FSIP2: variants seen among roughly 807,000 people sequenced by gnomAD.
FSIP2 encodes the protein fibrous sheath interacting protein 2.
A neutral mutation model predicts 510.5 loss-of-function variants in FSIP2; 367 were observed. That is an observed-to-expected ratio of 0.72 (90% confidence interval 0.66 to 0.78). The LOEUF is 0.78. FSIP2 is among the 30% of genes least tolerant of loss of function. The pLI is 0.00. For synonymous variants in FSIP2, 2,601 were observed against 2,732.2 expected, an observed-to-expected ratio of 0.95 and a Z score of 1.50; for missense variants, 7,594 against 7,901.7, an observed-to-expected ratio of 0.96 and a Z score of 1.48.
chr2:185,789,160 A>G lies in FSIP2; in HGVS notation c.2024A>G (p.His675Arg). ...TETDSLGSSL[H>R]CDKTAKAMDE... is the part of the protein sequence containing the mutation. ...ACAGATAGCTTAGGGAGTTCATTGCATTGTGATAAAACAGCAAAAGCCATG... is the reference window on the plus strand; with the variant it reads ...ACAGATAGCTTAGGGAGTTCATTGCGTTGTGATAAAACAGCAAAAGCCATG... Residue 675 changes from histidine (H) to arginine (R), a missense_variant, in exon 16 of 23, where the codon CAT (histidine) becomes CGT (arginine). His to Arg is a conservative substitution (Grantham distance 29). Coordinates refer to ENST00000424728, the MANE Select transcript of FSIP2 (RefSeq NM_173651.4). 6.5e-7 allele frequency: 1 copy of G among 1,535,018 alleles called. No individual in the cohort carries two copies. The highest frequency in any genetic ancestry group is 8.7e-7 in the Non-Finnish European group (1 of 1,145,974).
At chr2:185,743,041 A>T (rs1691954300) in intron 2 of FSIP2, 92 bp from the exon 3 acceptor site, 4 of 975,166 alleles carry the variant, frequency 4.1e-6, no homozygotes, top group Non-Finnish European at 5.7e-6. Context: ...CTTTTGGCAC[A>T]TTTTATTTTC....
chr2:185,763,387 A>G, intron 12 of FSIP2, 98 bp downstream of exon 12: 1 of 665,912 alleles, frequency 1.5e-6, no homozygotes. Context: ...ATGTAACCAT[A>G]CAAAACAACT....
intron 5 of FSIP2, 91 bp from the exon 6 acceptor site, chr2:185,746,578 C>A: frequency 2.1e-6 from 2 of 954,024 alleles, no homozygotes; most frequent in Admixed American, 3.2e-5. Context: ...GAAAGGCAAG[C>A]AAGGAAGTGG....
In FSIP2 at chr2:185,791,122, C is replaced by T. The variant is rs766741003; in HGVS notation, c.3986C>T (p.Thr1329Ile). 41 of 1,530,338 alleles carry T rather than the reference C, an allele frequency of 2.7e-5. No homozygotes were observed. Among genetic ancestry groups the T allele is most frequent in the South Asian group, 3.6e-5 (3 of 83,744 alleles). The allele number at this position is 1,530,338 out of a possible 1,614,324, so 94.8% of individuals were successfully genotyped here. A position where few individuals can be genotyped will look rare whatever the true frequency, so the allele number is the denominator to read the frequency against. The change falls in exon 16 of 23, where the codon ACA (threonine) becomes ATA (isoleucine). Residue 1329 changes from threonine to isoleucine, a missense_variant. Physicochemically the swap from Thr to Ile is moderately conservative, Grantham distance 89. Transcript: ENST00000424728. ...GAGATTGACCATACCAAATCCCTTA[C>T]AGATAAAGGATTTTTTGCTAATACT... The part of the protein sequence containing the change: ...LREIDHTKSL[T>I]DKGFFANTDK...
At chr2:185,798,551 G>A (rs1345629712) in intron 16 of FSIP2, among the ~76,000 whole-genome samples, 1 of 151,654 alleles carries the variant, frequency 6.6e-6, no homozygotes, top group Non-Finnish European at 1.5e-5. Context: ...ATAATTACTT[G>A]CTACATCACC....
chr2:185,786,208 T>C, intron 14 of FSIP2, 44 bp from the exon 15 acceptor site: 1 of 1,310,746 alleles, frequency 7.6e-7, no homozygotes. Context: ...TTTTATAAAT[T>C]TTTGACTCTA....
intron 21 of FSIP2, among the ~76,000 whole-genome samples, chr2:185,831,154 C>T (rs747694302): frequency 1.2e-4 from 18 of 151,878 alleles, no homozygotes; most frequent in Non-Finnish European, 1.9e-4. Flanking sequence ...TGATTTTTAA[C>T]AGATGACATT....
Position 185,805,231 on chromosome 2 carries a change from A to T in FSIP2, c.15925A>T (p.Met5309Leu). The change falls in exon 17 of 23, where the codon ATG (methionine) becomes TTG (leucine). Residue 5309 changes from methionine to leucine, a missense_variant. Transcript: ENST00000424728. ...KKNEMAELDI[M>L]GLALKLANSL... ...AAATGAAATGGCAGAGCTAGATATT[A>T]TGGGCTTGGCTCTAAAACTTGCAAA... The T allele has an allele frequency of 6.3e-7, 1 of 1,599,488 alleles. No individual in the cohort carries two copies. The highest frequency in any genetic ancestry group is 8.5e-7 in the Non-Finnish European group (1 of 1,174,534).
At chr2:185,767,576 A>G (rs1054936591) in intron 13 of FSIP2, among the ~76,000 whole-genome samples, 3 of 152,182 alleles carry the variant, frequency 2.0e-5, no homozygotes, top group East Asian at 1.9e-4. Flanking sequence ...ACTTAGCATG[A>G]TGTTCTCCAA....
In FSIP2 at chr2:185,807,629, G is replaced by A; in HGVS notation, c.18323G>A (p.Ser6108Asn). The A allele has an allele frequency of 1.2e-6, 2 of 1,612,984 alleles. No homozygotes were observed. The highest frequency in any genetic ancestry group is 1.1e-5 in the South Asian group (1 of 91,054). ...GAGATTATACAAAATTGTGTAACCA[G>A]TGGATGCAAAATCCTTTCAGAAAAC... ...SQEIIQNCVT[S>N]GCKILSENIV... The change falls in exon 17 of 23, where the codon AGT becomes AAT. Residue 6108 changes from serine to asparagine, a missense_variant. By Grantham distance (46) the Ser-to-Asn change is conservative. Transcript: ENST00000424728.
In FSIP2 at chr2:185,739,427, C is replaced by T; in HGVS notation, c.181C>T (p.Pro61Ser). ...TCTCGGGGTCAAGCTGCCTGTGATC[C>T]CAGGAAGCAATGCTGTATTCTATAC... Reference protein sequence around the residue: ...LPLGVKLPVIPGSNAVFYTTN... With the variant: ...LPLGVKLPVISGSNAVFYTTN... Residue 61 changes from proline to serine, a missense_variant, in exon 2 of 23, where the codon CCA becomes TCA. By Grantham distance (74) the Pro-to-Ser change is moderately conservative. Transcript: ENST00000424728. 6.5e-7 allele frequency: 1 copy of T among 1,534,278 alleles called. No homozygotes were observed. Among genetic ancestry groups the T allele is most frequent in the Non-Finnish European group, 8.7e-7 (1 of 1,146,132 alleles).
rs555770165 is a variant in FSIP2, at chr2:185,780,072, CA to C, written c.1412-2619del. On this transcript the variant is annotated intron_variant, in intron 13 of 22. Transcript: ENST00000424728. ...TGGGTGACAGAGCAACACTCCATCT[CA>C]AAAAAAAAAAAAATTGTTTTGTTTA... Among the ~76,000 whole-genome samples, 505 of 133,402 alleles carry C rather than the reference CA, an allele frequency of 3.8e-3. 1 individual carries two copies. The highest frequency in any genetic ancestry group is 9.5e-3 in the African/African-American group (345 of 36,312). The allele number at this position is 133,402 out of a possible 152,430, so 87.5% of individuals were successfully genotyped here.
Position 185,791,723 on chromosome 2 carries a change from A to C in FSIP2, c.4587A>C (p.Lys1529Asn), listed in dbSNP as rs751222434. 3.7e-5 allele frequency: 57 copies of C among 1,534,432 alleles called. No individual in the cohort carries two copies. Among genetic ancestry groups the C allele is most frequent in the Non-Finnish European group, 4.9e-5 (56 of 1,145,650 alleles). The stretch of plus-strand genomic sequence containing the variant: ...CATCATTTGCTTCAATTATTGAGAA[A>C]ATGGCCAAATCCACCAAAATAATCT... ...DNPSFASIIE[K>N]MAKSTKIISS... is the part of the protein sequence containing the mutation. The change falls in exon 16 of 23, where the codon AAA becomes AAC. Residue 1529 changes from lysine (K) to asparagine (N), a missense_variant. By Grantham distance (94) the Lys-to-Asn change is moderately conservative. Coordinates refer to ENST00000424728, the MANE Select transcript of FSIP2 (RefSeq NM_173651.4).
In FSIP2 at chr2:185,807,098, A is replaced by G. The variant is rs200242350; in HGVS notation, c.17792A>G (p.Gln5931Arg). The G allele has an allele frequency of 6.9e-6, 11 of 1,597,482 alleles. No homozygotes were observed. The highest frequency in any genetic ancestry group is 1.8e-5 in the Admixed American group (1 of 56,736). The change falls in exon 17 of 23, where the codon CAA (glutamine) becomes CGA (arginine). Residue 5931 changes from glutamine to arginine, a missense_variant. By Grantham distance (43) the Gln-to-Arg change is conservative (BLOSUM62 1). Transcript: ENST00000424728. ...AATATTTTAAATGACTATGGATCTC[A>G]AGACTCTATTTGGAAGAATATAAAC... Reference protein sequence around the residue: ...VCNILNDYGSQDSIWKNINSN... With the variant: ...VCNILNDYGSRDSIWKNINSN...
chr2:185,824,403 C>T (rs1261613328), intron 19 of FSIP2, 31 bp from the exon 20 acceptor site: 1 of 1,488,372 alleles, frequency 6.7e-7, no homozygotes. Flanking sequence ...TCAAATTCAC[C>T]CTAAATGATG....
chr2:185,783,405 A>G (rs1447319735), intron 14 of FSIP2, among the ~76,000 whole-genome samples: 1 of 152,144 alleles, frequency 6.6e-6, no homozygotes, highest in Non-Finnish European at 1.5e-5. Context: ...TTTACACCCA[A>G]TGCCATCATC....
rs934958576 is a variant in FSIP2 at position 185,796,558 on chromosome 2, C to T, written c.9422C>T (p.Ser3141Leu). 7 of 1,534,842 alleles carry T rather than the reference C, an allele frequency of 4.6e-6. No individual in the cohort carries two copies. The highest frequency in any genetic ancestry group is 1.4e-5 in the African/African-American group (1 of 72,890). The change falls in exon 16 of 23, where the codon TCA (serine) becomes TTA (leucine). Residue 3141 changes from serine (S) to leucine (L), a missense_variant. Transcript: ENST00000424728. ...AATGAGTCTTTGATACAAAACCTTT[C>T]AAGAGAAAGTTTGTTCCAAGGAGCT... ...YFNESLIQNL[S>L]RESLFQGAEN...
rs1325720703 is a variant in FSIP2 at position 185,805,026 on chromosome 2, A to G, written c.15720A>G (p.Leu5240=). The change falls in exon 17 of 23, where the codon TTA becomes TTG. Residue 5240 remains leucine (L), a synonymous_variant. Transcript: ENST00000424728. ...TGTATCATCATTTACAGCCATTTTT[A>G]CATGGTGAAGAATCATCTTTCAGTG... ...EIMYHHLQPF[L]HGEESSFSDL... is the part of the protein sequence containing the mutation. 1.3e-6 allele frequency: 2 copies of G among 1,595,562 alleles called. No individual in the cohort carries two copies. The highest frequency in any genetic ancestry group is 2.2e-5 in the South Asian group (2 of 89,654).
In FSIP2 at chr2:185,804,781, G is replaced by A. The variant is rs1008097185; in HGVS notation, c.15475G>A (p.Asp5159Asn). The part of the protein sequence containing the change: ...EFVEAASKLT[D>N]EIIKEISEHE... Reference sequence around the variant, plus strand: ...TGTGGAGGCAGCTTCAAAATTGACTGATGAAATTATAAAAGAAATTTCTGA... The same window carrying A: ...TGTGGAGGCAGCTTCAAAATTGACTAATGAAATTATAAAAGAAATTTCTGA... Residue 5159 changes from aspartate to asparagine, a missense_variant, in exon 17 of 23, where the codon GAT becomes AAT. By Grantham distance (23) the Asp-to-Asn change is conservative (BLOSUM62 1). Coordinates refer to ENST00000424728, the MANE Select transcript of FSIP2 (RefSeq NM_173651.4). 2 of 1,532,102 alleles carry A rather than the reference G, an allele frequency of 1.3e-6. No individual in the cohort carries two copies. The highest frequency in any genetic ancestry group is 2.0e-5 in the Admixed American group (1 of 50,546). The allele number at this position is 1,532,102 out of a possible 1,614,324, so 94.9% of individuals were successfully genotyped here. A position where few individuals can be genotyped will look rare whatever the true frequency, so the allele number is the denominator to read the frequency against.
Sources: gnomAD v4.1 joint callset for allele counts (sites outside exome capture counted in the v4.1 genomes callset) on GRCh38, gnomAD v4.1.1 for gene constraint, MANE v1.5 for transcripts, NCBI Gene and HGNC (gene_info 2026-07-23, HGNC 2026-07-21) for gene names.